Variants in VSX2 observed in about 807,000 individuals in gnomAD.
VSX2 encodes ceh-10 homeo domain containing homolog.
VSX2 carries 28 observed loss-of-function variants against 32.1 expected under a neutral mutation model. That is an observed-to-expected ratio of 0.87 (90% confidence interval 0.65 to 1.20). The LOEUF (loss-of-function observed/expected upper bound fraction) is 1.20. Ranked by LOEUF, VSX2 falls within the 50% of genes most tolerant of loss-of-function variation. The pLI is 0.00. For synonymous variants in VSX2, 243 were observed against 214.1 expected (o/e 1.14, Z -1.18); for missense variants, 506 against 488.7 (o/e 1.04, Z -0.33).
chr14:74,255,012 C>T (rs2079254689), intron 3 of VSX2, among the ~76,000 whole-genome samples: 1 of 151,952 alleles, frequency 6.6e-6, no homozygotes, highest in Non-Finnish European at 1.5e-5. Flanking sequence ...GATCTCCTGA[C>T]CTTGTGATCC....
chr14:74,243,709 C>A (rs181719469), intron 2 of VSX2, among the ~76,000 whole-genome samples: 1 of 151,674 alleles, frequency 6.6e-6, no homozygotes, highest in African/African-American at 2.4e-5. Flanking sequence ...CATCACCCCC[C>A]ACCCCCAGAG....
chr14:74,260,929 C>T lies in VSX2; in HGVS notation c.*10C>T, dbSNP rs559868301. On this transcript the variant is annotated 3_prime_UTR_variant, in exon 5 of 5. Coordinates refer to ENST00000261980, the MANE Select transcript of VSX2 (RefSeq NM_182894.3). ...GGAGGACATGGCTTAGGTCAAGGCG[C>T]GCTCAGATGCCGGAGCCCCAAGACT... The T allele has an allele frequency of 1.0e-4, 162 of 1,552,222 alleles. No homozygotes were observed. The highest frequency in any genetic ancestry group is 1.0e-3 in the South Asian group (84 of 84,086).
rs528290024 is a variant in VSX2 at position 74,239,654 on chromosome 14, G to A, written c.93G>A (p.Gly31=). ...TSGGAPARCT[G]FGIQEILGLN... is the part of the protein sequence containing the mutation. ...GGGGCGCCCCGGCCAGGTGCACTGG[G>A]TTCGGCATCCAGGAGATCCTGGGCT... The change falls in exon 1 of 5, where the codon GGG becomes GGA. Residue 31 remains glycine, a synonymous_variant. Coordinates refer to ENST00000261980, the MANE Select transcript of VSX2 (RefSeq NM_182894.3). The A allele has an allele frequency of 5.7e-5, 89 of 1,550,798 alleles. 1 individual carries two copies. In the Admixed American group the frequency reaches 1.7e-3, roughly 29 times the overall value.
At chr14:74,252,868 G>T (rs569035581) in intron 3 of VSX2, among the ~76,000 whole-genome samples, 1 of 151,794 alleles carries the variant, frequency 6.6e-6, no homozygotes, top group African/African-American at 2.4e-5. Flanking sequence ...GGCCAACATG[G>T]TGACACCCTG....
At position 74,239,827 on chromosome 14, in the gene VSX2, C is replaced by T. The variant is rs937633296; in HGVS notation, c.266C>T (p.Thr89Met). ...LGPGGLPGFY[T>M]QPTFLEVLSD... ...CCCGGGGGGCTCCCTGGCTTCTACA[C>T]GCAGCCCACCTTCCTGGAAGTGCTG... is the stretch of plus-strand genomic sequence containing the variant. Residue 89 changes from threonine to methionine, a missense_variant, in exon 1 of 5, where the codon ACG becomes ATG. Transcript: ENST00000261980. 7 of 1,575,842 alleles carry T rather than the reference C, an allele frequency of 4.4e-6. No homozygotes were observed. Among genetic ancestry groups the T allele is most frequent in the African/African-American group, 2.7e-5 (2 of 74,502 alleles).
chr14:74,250,330 C>T (rs1394052314), intron 3 of VSX2, among the ~76,000 whole-genome samples: 5 of 152,094 alleles, frequency 3.3e-5, no homozygotes, highest in Non-Finnish European at 7.4e-5. Flanking sequence ...GGTGGGTTTC[C>T]AGACTGACTT....
chr14:74,241,125 C>A, intron 1 of VSX2, 57 bp from the exon 2 acceptor site: 12 of 1,577,482 alleles, frequency 7.6e-6, no homozygotes, highest in Non-Finnish European at 1.0e-5. Flanking sequence ...TCGCGGGTTT[C>A]GGGCACAGCG....
intron 3 of VSX2, among the ~76,000 whole-genome samples, chr14:74,246,380 C>G (rs1349187101): frequency 6.6e-6 from 1 of 152,190 alleles, no homozygotes; most frequent in African/African-American, 2.4e-5. Context: ...TCTGTACTCT[C>G]TCACTGGAGG....
chr14:74,250,802 C>A (rs10142986), intron 3 of VSX2, among the ~76,000 whole-genome samples: 108,841 of 151,462 alleles, frequency 0.72, 41,622 homozygotes, highest in Admixed American at 0.84. Flanking sequence ...GTGCGCACCA[C>A]CACGACTGGC....
At chr14:74,252,177 GCCT>G (rs2139640388) in intron 3 of VSX2, among the ~76,000 whole-genome samples, 1 of 152,330 alleles carries the variant, frequency 6.6e-6, no homozygotes, top group South Asian at 2.1e-4. Flanking sequence ...GTGAGGCATG[GCCT>G]CGGCTGTTCC....
intron 3 of VSX2, among the ~76,000 whole-genome samples, chr14:74,252,761 G>C (rs1370306161): frequency 6.6e-6 from 1 of 152,048 alleles, no homozygotes; most frequent in Non-Finnish European, 1.5e-5. Flanking sequence ...AAGAAACCCA[G>C]GCTTGTCCAG....
In VSX2 at chr14:74,259,589, T is replaced by C. The variant is rs2079289779; in HGVS notation, c.580-13T>C. ...CTCAGAGCAAGCCTCTGACCTGTTCTGTGCACCTGCAGGTCTGGTTCCAGA... is the reference window on the plus strand; with the variant it reads ...CTCAGAGCAAGCCTCTGACCTGTTCCGTGCACCTGCAGGTCTGGTTCCAGA... On this transcript the variant is annotated splice_polypyrimidine_tract_variant and intron_variant, in intron 3 of 4. Transcript: ENST00000261980. 6.2e-7 allele frequency: 1 copy of C among 1,614,036 alleles called. No homozygotes were observed. The highest frequency in any genetic ancestry group is 1.7e-5 in the Admixed American group (1 of 60,004).
intron 3 of VSX2, among the ~76,000 whole-genome samples, chr14:74,247,777 T>G (rs1423509547): frequency 1.3e-5 from 2 of 150,312 alleles, no homozygotes; most frequent in African/African-American, 4.9e-5. Flanking sequence ...TTAATCAATG[T>G]TTATTGAGTA....
chr14:74,261,813 T>A lies in VSX2; in HGVS notation c.*894T>A, dbSNP rs2079309835. On this transcript the variant is annotated 3_prime_UTR_variant, in exon 5 of 5. Coordinates refer to ENST00000261980, the MANE Select transcript of VSX2 (RefSeq NM_182894.3). ...GTGTCCTGAAGAATCTCGACTCTCG[T>A]GATATGCTGCTTGTGACCTTGACTT... 6.6e-6 allele frequency: 1 copy of A among 152,458 alleles called. No individual in the cohort carries two copies. Among genetic ancestry groups the A allele is most frequent in the Non-Finnish European group, 1.5e-5 (1 of 68,306 alleles). The allele number at this position is 152,458 out of a possible 1,614,324, so 9.4% of individuals were successfully genotyped here. A position where few individuals can be genotyped will look rare whatever the true frequency, so the allele number is the denominator to read the frequency against.
At chr14:74,242,757 G>C (rs1242288779) in intron 2 of VSX2, among the ~76,000 whole-genome samples, 2 of 152,110 alleles carry the variant, frequency 1.3e-5, no homozygotes, top group Non-Finnish European at 2.9e-5. Flanking sequence ...AGGGAGGGCA[G>C]GTCAGAGACC....
chr14:74,248,361 C>CAAAAAAA, intron 3 of VSX2, among the ~76,000 whole-genome samples: 2 of 132,854 alleles, frequency 1.5e-5, no homozygotes, highest in Non-Finnish European at 3.1e-5. Context: ...ACAAAAAAAA[C>CAAAAAAA]CAAAAACGAG....
chr14:74,249,467 G>A (rs558197677), intron 3 of VSX2, among the ~76,000 whole-genome samples: 1 of 152,038 alleles, frequency 6.6e-6, no homozygotes, highest in Non-Finnish European at 1.5e-5. Context: ...ACGAGTTTTT[G>A]CCACGTTGGC....
intron 3 of VSX2, among the ~76,000 whole-genome samples, chr14:74,257,709 A>ACCCCCCCCCCCCCCCCCCCCC (rs33974776): frequency 7.5e-6 from 1 of 133,980 alleles, no homozygotes; most frequent in Non-Finnish European, 1.6e-5. Flanking sequence ...CGCGCGGACC[A>ACCCCCCCCCCCCCCCCCCCCC]CCCCCCACCC....
Position 74,239,699 on chromosome 14 carries a change from C to G in VSX2, c.138C>G (p.Ser46Arg). ...TGGGCTTGAACAAGGAGCCCCCGAG[C>G]TCCCACCCGCGGGCAGCGCTCGACG... is the stretch of plus-strand genomic sequence containing the variant. The part of the protein sequence containing the change: ...EILGLNKEPP[S>R]SHPRAALDGL... Residue 46 changes from serine (S) to arginine (R), a missense_variant, in exon 1 of 5, where the codon AGC (serine) becomes AGG (arginine). Transcript: ENST00000261980. The G allele has an allele frequency of 1.3e-6, 2 of 1,549,850 alleles. No homozygotes were observed. The highest frequency in any genetic ancestry group is 1.7e-6 in the Non-Finnish European group (2 of 1,146,826).
Sources: gnomAD v4.1 joint callset for allele counts (sites outside exome capture counted in the v4.1 genomes callset) on GRCh38, gnomAD v4.1.1 for gene constraint, MANE v1.5 for transcripts, NCBI Gene and HGNC (gene_info 2026-07-23, HGNC 2026-07-21) for gene names.